Variants in TRAF5 observed in about 807,000 individuals in gnomAD.
TRAF5 encodes TNF receptor-associated factor 5.
Under a neutral mutation model 64.5 loss-of-function variants are expected in TRAF5, and 48 were observed. The ratio of observed to expected loss-of-function variants is 0.74; its 90% CI spans 0.59 to 0.95. The LOEUF is 0.95. Among genes scored for constraint, TRAF5 ranks in the 40% least tolerant of loss-of-function variants. The probability of loss-of-function intolerance (pLI) is 0.00; values close to 1 mark genes in which losing one functional copy is unlikely to be tolerated. For missense variants in TRAF5, 545 were observed against 662.8 expected (o/e 0.82, Z 1.95); for synonymous variants, 206 against 240.5 (o/e 0.86, Z 1.33).
In TRAF5 at chr1:211,353,476, C is replaced by T. The variant is rs1402476711; in HGVS notation, c.218+19C>T. The T allele has an allele frequency of 1.9e-6, 3 of 1,602,318 alleles. No homozygotes were observed. The highest frequency in any genetic ancestry group is 2.7e-5 in the African/African-American group (2 of 74,712). On this transcript the variant is annotated intron_variant, in intron 2 of 10. Transcript: ENST00000261464. ...CCCTGAGGTGAGTGGGCAGGGCCTGCAACTCTGGCCATGGCAGTCCTAGCA... is the reference window on the plus strand; with the variant it reads ...CCCTGAGGTGAGTGGGCAGGGCCTGTAACTCTGGCCATGGCAGTCCTAGCA...
intron 7 of TRAF5, among the ~76,000 whole-genome samples, chr1:211,364,743 G>A (rs1280510957): frequency 6.6e-6 from 1 of 152,038 alleles, no homozygotes; most frequent in African/African-American, 2.4e-5. Context: ...AAAGGAGATA[G>A]GTTTTATATG....
At chr1:211,360,898 C>A in intron 6 of TRAF5, 119 bp downstream of exon 6, 1 of 1,015,058 alleles carries the variant, frequency 9.9e-7, no homozygotes, top group South Asian at 1.4e-5. Flanking sequence ...ACACGCATGA[C>A]CATGACGTAT....
chr1:211,335,720 G>T (rs988035098), intron 1 of TRAF5, among the ~76,000 whole-genome samples: 8 of 152,110 alleles, frequency 5.3e-5, no homozygotes, highest in Admixed American at 5.2e-4. Context: ...AGATGTTTCC[G>T]GAAGAGACAA....
chr1:211,365,169 CA>C (rs199648675), intron 7 of TRAF5, among the ~76,000 whole-genome samples: 6 of 145,398 alleles, frequency 4.1e-5, no homozygotes, highest in Admixed American at 6.9e-5. Context: ...CAGGCTGTCT[CA>C]AAAAAAAAAC....
intron 1 of TRAF5, among the ~76,000 whole-genome samples, chr1:211,330,906 A>T (rs1702139714): frequency 6.6e-6 from 1 of 152,172 alleles, no homozygotes; most frequent in Non-Finnish European, 1.5e-5. Context: ...CATTCCCAAG[A>T]CTTAAACCAA....
intron 1 of TRAF5, among the ~76,000 whole-genome samples, chr1:211,327,323 C>T (rs897206173): frequency 6.6e-6 from 1 of 152,200 alleles, no homozygotes; most frequent in Non-Finnish European, 1.5e-5. Context: ...GGCCCCCTTC[C>T]GCACCCGAAG....
chr1:211,372,119 T>A lies in TRAF5; in HGVS notation c.1100-9T>A, dbSNP rs762599755. 1 of 1,507,174 alleles carries A rather than the reference T, an allele frequency of 6.6e-7. No homozygotes were observed. Among genetic ancestry groups the A allele is most frequent in the African/African-American group, 1.4e-5 (1 of 70,810 alleles). 93.4% of individuals were successfully genotyped at this position (1,507,174 alleles called of 1,614,324 possible). A position where few individuals can be genotyped will look rare whatever the true frequency, so the allele number is the denominator to read the frequency against. ...TGGAATCTTTTTTTTTTTTTTTTCT[T>A]ATTTGCAGCCGTTTTAGAAGAGGAA... On this transcript the variant is annotated splice_polypyrimidine_tract_variant and intron_variant, in intron 10 of 10. Transcript: ENST00000261464.
chr1:211,350,146 G>T (rs148913011), intron 1 of TRAF5, among the ~76,000 whole-genome samples: 1 of 151,168 alleles, frequency 6.6e-6, no homozygotes, highest in Admixed American at 6.6e-5. Flanking sequence ...TACCACCCTT[G>T]AAGTTTTGCA....
At chr1:211,330,656 T>C (rs1470725284) in intron 1 of TRAF5, among the ~76,000 whole-genome samples, 4 of 152,242 alleles carry the variant, frequency 2.6e-5, no homozygotes, top group Non-Finnish European at 5.9e-5. Flanking sequence ...CCTGCTGCGC[T>C]GCTCTGATTG....
intron 8 of TRAF5, among the ~76,000 whole-genome samples, chr1:211,366,444 G>A (rs753537600): frequency 9.2e-5 from 14 of 152,160 alleles, no homozygotes; most frequent in Non-Finnish European, 2.1e-4. Context: ...ACTGAGCCAA[G>A]GAAGATGTAG....
chr1:211,332,444 A>G (rs968100056), intron 1 of TRAF5, among the ~76,000 whole-genome samples: 3 of 152,024 alleles, frequency 2.0e-5, no homozygotes, highest in Non-Finnish European at 4.4e-5. Flanking sequence ...GGCTTCTGTT[A>G]GGGAGACCCT....
chr1:211,366,177 C>T (rs1703345890), intron 8 of TRAF5, among the ~76,000 whole-genome samples: 1 of 152,170 alleles, frequency 6.6e-6, no homozygotes, highest in South Asian at 2.1e-4. Flanking sequence ...AGAAAACCAT[C>T]CATTTTCAGA....
chr1:211,347,223 G>C (rs962833908), intron 1 of TRAF5, among the ~76,000 whole-genome samples: 3 of 152,168 alleles, frequency 2.0e-5, no homozygotes, highest in African/African-American at 7.2e-5. Context: ...GCCTGGGAAT[G>C]ACAGAATACC....
At position 211,361,069 on chromosome 1, in the gene TRAF5, G is replaced by C. The variant is rs766478189; in HGVS notation, c.622-19G>C. ...AATAAGTGATGAATTTCTATAGCTT[G>C]TGACTATCCATTTCGTAGGTAGATG... On this transcript the variant is annotated intron_variant, in intron 6 of 10. Coordinates refer to ENST00000261464, the MANE Select transcript of TRAF5 (RefSeq NM_001033910.3). 3.6e-5 allele frequency: 58 copies of C among 1,612,638 alleles called. No individual in the cohort carries two copies. The South Asian group carries it at 5.5e-4, about 15-fold the overall frequency.
Position 211,374,580 on chromosome 1 carries a change from C to T in TRAF5, c.*1878C>T, listed in dbSNP as rs531454050. 6.6e-6 allele frequency: 1 copy of T among 152,318 alleles called. No homozygotes were observed. Among genetic ancestry groups the T allele is most frequent in the Admixed American group, 6.5e-5 (1 of 15,304 alleles). 9.4% of individuals were successfully genotyped at this position (152,318 alleles called of 1,614,324 possible). On this transcript the variant is annotated 3_prime_UTR_variant, in exon 11 of 11. Transcript: ENST00000261464. ...GAACTAGAGTGTCACTGCTGGTGAACTGTGGCACGGTTGCTCAACACATCA... is the reference window on the plus strand; with the variant it reads ...GAACTAGAGTGTCACTGCTGGTGAATTGTGGCACGGTTGCTCAACACATCA...
chr1:211,333,902 C>T (rs1433545279), intron 1 of TRAF5, among the ~76,000 whole-genome samples: 1 of 152,194 alleles, frequency 6.6e-6, no homozygotes, highest in Non-Finnish European at 1.5e-5. Context: ...TTAATCCATA[C>T]CCCTGCCACT....
At chr1:211,362,737 A>G (rs2102760611) in intron 7 of TRAF5, among the ~76,000 whole-genome samples, 1 of 152,286 alleles carries the variant, frequency 6.6e-6, no homozygotes, top group South Asian at 2.1e-4. Context: ...TAAATGACTA[A>G]CACAAAACCA....
chr1:211,336,972 T>G (rs1386989184), intron 1 of TRAF5, among the ~76,000 whole-genome samples: 3 of 152,240 alleles, frequency 2.0e-5, no homozygotes, highest in Non-Finnish European at 4.4e-5. Context: ...CCTCAACTGA[T>G]CCGCTCGCCT....
chr1:211,346,459 G>A (rs1702609554), intron 1 of TRAF5: 3 of 984,382 alleles, frequency 3.0e-6, no homozygotes, highest in Non-Finnish European at 2.4e-6. Context: ...CTCTGGTCCT[G>A]TGCCCTTTTC....
Sources: gnomAD v4.1 joint callset for allele counts (sites outside exome capture counted in the v4.1 genomes callset) on GRCh38, gnomAD v4.1.1 for gene constraint, MANE v1.5 for transcripts, NCBI Gene and HGNC (gene_info 2026-07-23, HGNC 2026-07-21) for gene names.